Variants in DGKG observed in about 807,000 individuals in gnomAD.
DGKG encodes diacylglycerol kinase gamma.
A neutral mutation model predicts 105.3 loss-of-function variants in DGKG; 78 were observed. The ratio of observed to expected loss-of-function variants is 0.74; its 90% confidence interval spans 0.62 to 0.89. The LOEUF is 0.89. Ranked by LOEUF, DGKG falls within the 40% of genes least tolerant of loss-of-function variation. The pLI is 0.00. For missense variants in DGKG, 958 were observed against 1,020.1 expected, an observed-to-expected ratio of 0.94 and a Z score of 0.83; for synonymous variants, 346 against 367.1, an observed-to-expected ratio of 0.94 and a Z score of 0.66.
At chr3:186,300,330 G>T (rs1244564964) in intron 3 of DGKG, among the ~76,000 whole-genome samples, 14 of 152,108 alleles carry the variant, frequency 9.2e-5, no homozygotes, top group Admixed American at 9.2e-4. Context: ...AAACAGACCA[G>T]ATTAGCCTCC....
chr3:186,153,064 C>G (rs1421365617), intron 24 of DGKG, among the ~76,000 whole-genome samples: 1 of 150,958 alleles, frequency 6.6e-6, no homozygotes, highest in Non-Finnish European at 1.5e-5. Context: ...CTCCAGGGCA[C>G]GGAAGAGGAA....
At chr3:186,228,331 G>A (rs1268776885) in intron 20 of DGKG, among the ~76,000 whole-genome samples, 1 of 151,924 alleles carries the variant, frequency 6.6e-6, no homozygotes, top group East Asian at 1.9e-4. Flanking sequence ...CTCTTTTCTG[G>A]GTCTTTCTGA....
intron 20 of DGKG, among the ~76,000 whole-genome samples, chr3:186,239,961 G>A (rs750313296): frequency 5.0e-4 from 75 of 149,728 alleles, no homozygotes; most frequent in Non-Finnish European, 3.8e-4. Flanking sequence ...TGTGGGTGAT[G>A]GATGATTGCT....
At chr3:186,299,399 G>A (rs1426361923) in intron 3 of DGKG, among the ~76,000 whole-genome samples, 1 of 152,204 alleles carries the variant, frequency 6.6e-6, no homozygotes, top group African/African-American at 2.4e-5. Context: ...CCTTAAAAGC[G>A]AGTAATGGCC....
chr3:186,243,895 G>GTTTTTTTTTTTTTTTTT lies in DGKG; in HGVS notation c.1762-1344_1762-1328dup, dbSNP rs34134152. On this transcript the variant is annotated intron_variant, in intron 19 of 24. Coordinates refer to ENST00000265022, the MANE Select transcript of DGKG (RefSeq NM_001346.3). ...CTATTTCTTATATGAAAATTTCTGT[G>GTTTTTTTTTTTTTTTTT]TTTTTTTTTTTTTTTTTTGAGATGG... Among the ~76,000 whole-genome samples the GTTTTTTTTTTTTTTTTT allele has an allele frequency of 3.9e-4, 45 of 116,322 alleles. 6 individuals carry two copies. Among genetic ancestry groups the GTTTTTTTTTTTTTTTTT allele is most frequent in the African/African-American group, 1.6e-3 (43 of 27,562 alleles). The allele number at this position is 116,322 out of a possible 152,430, so 76.3% of individuals were successfully genotyped here. A position where few individuals can be genotyped will look rare whatever the true frequency, so the allele number is the denominator to read the frequency against.
At chr3:186,295,965 C>G (rs574982506) in intron 5 of DGKG, among the ~76,000 whole-genome samples, 6 of 152,164 alleles carry the variant, frequency 3.9e-5, no homozygotes, top group Admixed American at 2.6e-4. Flanking sequence ...AAAAATTAGC[C>G]AGGCGTGGCA....
rs189899973 is a variant in DGKG at position 186,356,990 on chromosome 3, G to A, written c.-249+4956C>T. ...TTGCTGGCTTCTGGGTTCTTTCCTCGCAGAGGCTCATGCATGCACAGCCTG... is the reference window on the plus strand; with the variant it reads ...TTGCTGGCTTCTGGGTTCTTTCCTCACAGAGGCTCATGCATGCACAGCCTG... On this transcript the variant is annotated intron_variant, in intron 1 of 24. Transcript: ENST00000265022. Among the ~76,000 whole-genome samples the A allele has an allele frequency of 2.6e-5, 4 of 152,212 alleles. No homozygotes were observed. In the East Asian group the frequency reaches 5.8e-4, roughly 22 times the overall value.
intron 3 of DGKG, among the ~76,000 whole-genome samples, chr3:186,299,790 T>TTTCC: frequency 6.3e-5 from 5 of 79,122 alleles, no homozygotes; most frequent in African/African-American, 2.6e-4. Context: ...TCTTTCTTTC[T>TTTCC]TTCTTTCTTT....
chr3:186,346,349 C>A (rs1017611002), intron 1 of DGKG, among the ~76,000 whole-genome samples: 1 of 152,162 alleles, frequency 6.6e-6, no homozygotes, highest in African/African-American at 2.4e-5. Flanking sequence ...AAAGACCATG[C>A]CCTCTAGTGC....
At chr3:186,358,930 CAA>C (rs1468693428) in intron 1 of DGKG, among the ~76,000 whole-genome samples, 2 of 152,122 alleles carry the variant, frequency 1.3e-5, no homozygotes, top group Non-Finnish European at 2.9e-5. Flanking sequence ...TTGATTTGTT[CAA>C]AGTTAGTATG....
At chr3:186,181,010 G>A (rs1717332673) in intron 22 of DGKG, among the ~76,000 whole-genome samples, 1 of 152,250 alleles carries the variant, frequency 6.6e-6, no homozygotes, top group African/African-American at 2.4e-5. Flanking sequence ...GAGTGCTTGT[G>A]CCTGCTCTGC....
At chr3:186,288,970 G>A (rs1723195333) in intron 5 of DGKG, 90 bp from the exon 6 acceptor site, 2 of 1,326,340 alleles carry the variant, frequency 1.5e-6, no homozygotes, top group South Asian at 1.5e-5. Context: ...TCATGGTAGA[G>A]GCAAGAATTT....
At chr3:186,212,617 A>G (rs1719088320) in intron 20 of DGKG, among the ~76,000 whole-genome samples, 1 of 147,474 alleles carries the variant, frequency 6.8e-6, no homozygotes, top group South Asian at 2.1e-4. Context: ...CCTTGAGAGA[A>G]AAAAAAAATC....
chr3:186,219,405 G>A (rs1719457300), intron 20 of DGKG, among the ~76,000 whole-genome samples: 1 of 152,208 alleles, frequency 6.6e-6, no homozygotes, highest in Non-Finnish European at 1.5e-5. Context: ...AGCTGTGCAT[G>A]GAATCATCTT....
In DGKG at chr3:186,353,355, T is replaced by C. The variant is rs146829158; in HGVS notation, c.-249+8591A>G. 2.7e-3 allele frequency among the ~76,000 whole-genome samples: 412 copies of C among 151,596 alleles called. 3 individuals carry two copies. The highest frequency in any genetic ancestry group is 9.6e-3 in the African/African-American group (396 of 41,304). On this transcript the variant is annotated intron_variant, in intron 1 of 24. Coordinates refer to ENST00000265022, the MANE Select transcript of DGKG (RefSeq NM_001346.3). Reference sequence around the variant, plus strand: ...TGAACATGGTGAAACCCCATCTCTATTAAAAACACAAAAATTAGCCAGATG... The same window carrying C: ...TGAACATGGTGAAACCCCATCTCTACTAAAAACACAAAAATTAGCCAGATG...
chr3:186,337,337 G>A (rs1218369764), intron 1 of DGKG, among the ~76,000 whole-genome samples: 3 of 151,820 alleles, frequency 2.0e-5, no homozygotes, highest in African/African-American at 7.3e-5. Context: ...TAGAATATAA[G>A]AGAAATTCAT....
chr3:186,249,907 C>T (rs575148532), intron 19 of DGKG, among the ~76,000 whole-genome samples: 27 of 152,264 alleles, frequency 1.8e-4, no homozygotes, highest in South Asian at 4.2e-4. Context: ...TATCATTTCT[C>T]CTTCTCTTTC....
intron 2 of DGKG, among the ~76,000 whole-genome samples, chr3:186,309,454 T>C (rs964734105): frequency 6.6e-6 from 1 of 152,200 alleles, no homozygotes; most frequent in Non-Finnish European, 1.5e-5. Flanking sequence ...CTCTGTTTTC[T>C]AAAGACCACT....
At chr3:186,314,166 C>A (rs2108633962) in intron 2 of DGKG, among the ~76,000 whole-genome samples, 1 of 140,244 alleles carries the variant, frequency 7.1e-6, no homozygotes, top group East Asian at 2.2e-4. Flanking sequence ...TTGACATATA[C>A]ATATCTGCAC....
Sources: gnomAD v4.1 joint callset for allele counts (sites outside exome capture counted in the v4.1 genomes callset) on GRCh38, gnomAD v4.1.1 for gene constraint, MANE v1.5 for transcripts, NCBI Gene and HGNC (gene_info 2026-07-23, HGNC 2026-07-21) for gene names.